Variants in FMN1 observed in about 807,000 individuals in gnomAD.
FMN1 encodes the protein formin 1, also known as formin-1.
Under a neutral mutation model 132.4 loss-of-function variants are expected in FMN1, and 110 were observed. The ratio of observed to expected loss-of-function variants is 0.83; its 90% CI spans 0.71 to 0.97. The LOEUF (loss-of-function observed/expected upper bound fraction) is 0.97. Ranked by LOEUF, FMN1 falls within the 50% of genes least tolerant of loss-of-function variation. The pLI, the probability that FMN1 is intolerant of heterozygous loss-of-function variation, is 0.00. For missense variants in FMN1, 1,792 were observed against 1,705.3 expected, an observed-to-expected ratio of 1.05 and a Z score of -0.90; for synonymous variants, 722 against 651.7, an observed-to-expected ratio of 1.11 and a Z score of -1.64.
chr15:33,164,657 A>T (rs1965026596), intron 3 of FMN1, among the ~76,000 whole-genome samples: 1 of 152,210 alleles, frequency 6.6e-6, no homozygotes, highest in Admixed American at 6.5e-5. Flanking sequence ...AGCTTTCCAC[A>T]TGATTTCCAT....
At chr15:32,991,890 A>G (rs1455582031) in intron 7 of FMN1, among the ~76,000 whole-genome samples, 2 of 152,112 alleles carry the variant, frequency 1.3e-5, no homozygotes, top group Non-Finnish European at 2.9e-5. Flanking sequence ...GATCTTGCAA[A>G]ATATTTTTGG....
chr15:33,082,025 GT>G (rs1356877145), intron 5 of FMN1, among the ~76,000 whole-genome samples: 4 of 117,858 alleles, frequency 3.4e-5, no homozygotes, highest in African/African-American at 1.3e-4. Context: ...TCAGGGGTGT[GT>G]GTGTGTGTGT....
chr15:33,174,784 C>G (rs552244518), intron 3 of FMN1, among the ~76,000 whole-genome samples: 1 of 152,260 alleles, frequency 6.6e-6, no homozygotes, highest in East Asian at 1.9e-4. Context: ...ACGACAAGAT[C>G]CCTGTGTAAC....
intron 4 of FMN1, among the ~76,000 whole-genome samples, chr15:33,112,513 G>A (rs1276661579): frequency 1.3e-5 from 2 of 152,074 alleles, no homozygotes; most frequent in Admixed American, 1.3e-4. Flanking sequence ...TAGAGATGCC[G>A]AACCTAAGAG....
At position 32,960,064 on chromosome 15, in the gene FMN1, G is replaced by A. The variant is rs1298197766; in HGVS notation, c.3138+4043C>T. ...TGCTTCTATAGATGGCATTTAAAAA[G>A]CCAGCCTGGCTACAAAGCAGGCTTA... On this transcript the variant is annotated intron_variant, in intron 9 of 20. Transcript: ENST00000616417. Among the ~76,000 whole-genome samples, 4 of 152,180 alleles carry A rather than the reference G, an allele frequency of 2.6e-5. No individual in the cohort carries two copies. The East Asian group carries it at 7.7e-4, about 29-fold the overall frequency.
intron 4 of FMN1, among the ~76,000 whole-genome samples, chr15:33,102,967 CTTTAA>C (rs767441565): frequency 3.3e-5 from 5 of 151,952 alleles, no homozygotes; most frequent in East Asian, 1.9e-4. Context: ...CATAGAATGT[CTTTAA>C]TTTATTTTTT....
At chr15:33,034,417 T>TA (rs898006968) in intron 6 of FMN1, among the ~76,000 whole-genome samples, 92 of 149,188 alleles carry the variant, frequency 6.2e-4, no homozygotes, top group Admixed American at 8.7e-4. Flanking sequence ...CTACTAAAAG[T>TA]AAAAAAAAAA....
intron 2 of FMN1, among the ~76,000 whole-genome samples, chr15:33,182,400 C>T (rs750816962): frequency 6.6e-6 from 1 of 152,208 alleles, no homozygotes; most frequent in Non-Finnish European, 1.5e-5. Context: ...ATCCATTGCT[C>T]TTAAGCTGGC....
intron 19 of FMN1, among the ~76,000 whole-genome samples, chr15:32,792,410 A>G (rs1471770018): frequency 6.6e-6 from 1 of 151,570 alleles, no homozygotes; most frequent in East Asian, 1.9e-4. Context: ...GCGCCACTGC[A>G]CTCCAGCCTG....
intron 16 of FMN1, among the ~76,000 whole-genome samples, chr15:32,873,984 C>A (rs2059578533): frequency 6.7e-6 from 1 of 150,290 alleles, no homozygotes; most frequent in Admixed American, 6.6e-5. Flanking sequence ...AATGAATACG[C>A]CATTGGTTAT....
At chr15:32,898,554 C>T (rs1178106518) in intron 15 of FMN1, among the ~76,000 whole-genome samples, 2 of 152,136 alleles carry the variant, frequency 1.3e-5, no homozygotes, top group Admixed American at 6.5e-5. Flanking sequence ...TCACAGAGAA[C>T]CTCACAATCT....
chr15:33,050,656 G>A (rs1352067501), intron 6 of FMN1, among the ~76,000 whole-genome samples: 1 of 152,196 alleles, frequency 6.6e-6, no homozygotes, highest in Non-Finnish European at 1.5e-5. Flanking sequence ...TTAATATTCT[G>A]AGAGGCCAAC....
chr15:33,126,333 A>C (rs1177704815), intron 4 of FMN1, among the ~76,000 whole-genome samples: 2 of 152,156 alleles, frequency 1.3e-5, no homozygotes, highest in African/African-American at 4.8e-5. Flanking sequence ...AATAGAGAGG[A>C]GGCAGAAGGT....
At chr15:32,955,822 T>C (rs940350887) in intron 9 of FMN1, among the ~76,000 whole-genome samples, 6 of 152,190 alleles carry the variant, frequency 3.9e-5, no homozygotes, top group African/African-American at 1.2e-4. Context: ...TGTGTGTGTG[T>C]GTGTGCGTGC....
intron 7 of FMN1, among the ~76,000 whole-genome samples, chr15:32,979,911 C>G (rs1273514141): frequency 1.3e-5 from 2 of 152,196 alleles, no homozygotes; most frequent in Non-Finnish European, 2.9e-5. Context: ...TGGCTTTCCA[C>G]TTTCATTACT....
At chr15:33,090,468 TCA>T (rs1360405450) in intron 4 of FMN1, among the ~76,000 whole-genome samples, 1 of 152,188 alleles carries the variant, frequency 6.6e-6, no homozygotes, top group African/African-American at 2.4e-5. Flanking sequence ...ATGATGCAGG[TCA>T]CAGTGTGTCT....
chr15:33,028,531 A>G (rs1189269357), intron 6 of FMN1, among the ~76,000 whole-genome samples: 6 of 151,520 alleles, frequency 4.0e-5, no homozygotes, highest in Non-Finnish European at 8.8e-5. Context: ...AAAAATAAAA[A>G]TAAAAATAAA....
rs540599238 is a variant in FMN1, at chr15:33,141,012, C to G, written c.1867+12036G>C. Among the ~76,000 whole-genome samples, 3 of 151,990 alleles carry G rather than the reference C, an allele frequency of 2.0e-5. No homozygotes were observed. In the South Asian group the frequency reaches 6.2e-4, roughly 32 times the overall value. ...CATTTTTTTCCTCCTGGGTAGTTTG[C>G]CTTTCTTTTATTAATTGATATGATT... On this transcript the variant is annotated intron_variant, in intron 4 of 20. Transcript: ENST00000616417.
chr15:32,895,291 CCTGT>C (rs1462717001), intron 15 of FMN1, among the ~76,000 whole-genome samples: 1 of 150,720 alleles, frequency 6.6e-6, no homozygotes, highest in Non-Finnish European at 1.5e-5. Flanking sequence ...GGACACATTA[CCTGT>C]CTGACATGAA....
Sources: gnomAD v4.1 joint callset for allele counts (sites outside exome capture counted in the v4.1 genomes callset) on GRCh38, gnomAD v4.1.1 for gene constraint, MANE v1.5 for transcripts, NCBI Gene and HGNC (gene_info 2026-07-23, HGNC 2026-07-21) for gene names.